SLC38A6: variants seen among roughly 807,000 people sequenced by gnomAD.
SLC38A6 encodes N system amino acid transporter NAT-1.
Under a neutral mutation model 65.0 loss-of-function variants are expected in SLC38A6, and 73 were observed. That is an observed-to-expected ratio of 1.12 (90% confidence interval 0.93 to 1.37). The LOEUF (loss-of-function observed/expected upper bound fraction) is 1.37. Ranked by LOEUF, SLC38A6 falls within the 40% of genes most tolerant of loss-of-function variation. The probability of loss-of-function intolerance (pLI) is 0.00; values close to 1 mark genes in which losing one functional copy is unlikely to be tolerated. For missense variants in SLC38A6, 561 were observed against 531.1 expected (o/e 1.06, Z -0.55); for synonymous variants, 183 against 178.8 (o/e 1.02, Z -0.19).
In SLC38A6 at chr14:60,981,752, A is replaced by G. The variant is rs575407731; in HGVS notation, c.105+370A>G. 5.4e-6 allele frequency: 7 copies of G among 1,287,592 alleles called. No homozygotes were observed. In the South Asian group the frequency reaches 8.7e-5, roughly 16 times the overall value. The allele number at this position is 1,287,592 out of a possible 1,614,324, so 79.8% of individuals were successfully genotyped here. A position where few individuals can be genotyped will look rare whatever the true frequency, so the allele number is the denominator to read the frequency against. On this transcript the variant is annotated intron_variant, in intron 1 of 15. Coordinates refer to ENST00000267488, the MANE Select transcript of SLC38A6 (RefSeq NM_153811.3). ...CTCGTGAGGTCTTTGCAAGAGTCAC[A>G]GGATTTTCCTCTTCCGACTTAGTCA...
intron 3 of SLC38A6, among the ~76,000 whole-genome samples, chr14:60,990,863 T>G (rs1262309526): frequency 6.6e-6 from 1 of 152,118 alleles, no homozygotes; most frequent in East Asian, 1.9e-4. Context: ...TTTTAATTTT[T>G]TGCAGAGATG....
intron 15 of SLC38A6, among the ~76,000 whole-genome samples, chr14:61,070,923 C>T (rs2043206564): frequency 6.6e-6 from 1 of 151,896 alleles, no homozygotes; most frequent in Non-Finnish European, 1.5e-5. Flanking sequence ...TGTTGTAGTT[C>T]CTTCTATATT....
intron 3 of SLC38A6, among the ~76,000 whole-genome samples, chr14:60,988,141 C>T (rs977446013): frequency 5.3e-5 from 8 of 152,178 alleles, no homozygotes; most frequent in African/African-American, 1.4e-4. Flanking sequence ...CGAGAACCTC[C>T]TCTGAGGCTT....
intron 5 of SLC38A6, among the ~76,000 whole-genome samples, chr14:61,022,014 C>A (rs2040367492): frequency 6.6e-6 from 1 of 152,078 alleles, no homozygotes; most frequent in Non-Finnish European, 1.5e-5. Flanking sequence ...GGCTTCAGTT[C>A]CCTCTTTGTT....
chr14:61,081,339 C>A (rs1253093017), intron 16 of SLC38A6, among the ~76,000 whole-genome samples: 1 of 96,092 alleles, frequency 1.0e-5, no homozygotes, highest in Non-Finnish European at 2.7e-5. Context: ...ATTGCTTGAA[C>A]TGTCCTTTTG....
intron 2 of SLC38A6, among the ~76,000 whole-genome samples, chr14:60,983,011 C>G (rs145333077): frequency 6.6e-6 from 1 of 152,116 alleles, no homozygotes; most frequent in African/African-American, 2.4e-5. Context: ...TTTCATTCCT[C>G]GCTGTCTCTT....
intron 15 of SLC38A6, among the ~76,000 whole-genome samples, chr14:61,075,682 A>G (rs1566736527): frequency 6.6e-6 from 1 of 151,952 alleles, no homozygotes; most frequent in Admixed American, 6.6e-5. Context: ...TAGAATTTCT[A>G]ACATTTCCCC....
At chr14:61,069,650 C>A (rs2043158003) in intron 15 of SLC38A6, among the ~76,000 whole-genome samples, 1 of 152,144 alleles carries the variant, frequency 6.6e-6, no homozygotes, top group Admixed American at 6.6e-5. Context: ...CTTTATTCTC[C>A]ACTCTAGTCT....
At chr14:61,068,248 A>G (rs763398667) in intron 15 of SLC38A6, among the ~76,000 whole-genome samples, 8 of 152,226 alleles carry the variant, frequency 5.3e-5, no homozygotes, top group East Asian at 1.9e-4. Flanking sequence ...TTTTCATCCA[A>G]CATCCCAACT....
chr14:61,067,900 T>TA (rs1295495745), intron 15 of SLC38A6, among the ~76,000 whole-genome samples: 6 of 152,170 alleles, frequency 3.9e-5, no homozygotes, highest in Non-Finnish European at 8.8e-5. Context: ...TCATCATACT[T>TA]ACATTTTTTC....
intron 3 of SLC38A6, among the ~76,000 whole-genome samples, chr14:60,993,014 T>G (rs937570754): frequency 6.6e-6 from 1 of 151,994 alleles, no homozygotes; most frequent in East Asian, 1.9e-4. Context: ...ATCCGGCTGA[T>G]TTTTGTATTT....
chr14:60,995,627 G>T (rs2038232259), intron 3 of SLC38A6, among the ~76,000 whole-genome samples: 1 of 152,030 alleles, frequency 6.6e-6, no homozygotes, highest in Non-Finnish European at 1.5e-5. Flanking sequence ...GGAGGAGGAA[G>T]GGCAAGAGGG....
chr14:60,987,260 C>T (rs2037521874), intron 3 of SLC38A6: 1 of 169,360 alleles, frequency 5.9e-6, no homozygotes, highest in South Asian at 1.2e-4. Flanking sequence ...GTTGGACTGT[C>T]ATAAAGGATT....
intron 3 of SLC38A6, among the ~76,000 whole-genome samples, chr14:61,015,680 A>G (rs1413447335): frequency 6.6e-6 from 1 of 152,248 alleles, no homozygotes; most frequent in Non-Finnish European, 1.5e-5. Context: ...GAAAATTACC[A>G]GAGATTTTTA....
intron 5 of SLC38A6, among the ~76,000 whole-genome samples, chr14:61,022,232 T>C (rs773136131): frequency 1.3e-5 from 2 of 152,146 alleles, no homozygotes; most frequent in Non-Finnish European, 2.9e-5. Context: ...TCAATAACTA[T>C]TGCCCTAAAA....
At chr14:61,072,665 A>G (rs1464361797) in intron 15 of SLC38A6, among the ~76,000 whole-genome samples, 3 of 152,226 alleles carry the variant, frequency 2.0e-5, no homozygotes, top group African/African-American at 4.8e-5. Flanking sequence ...TTCACTTAAC[A>G]TAATGGTCTC....
intron 5 of SLC38A6, among the ~76,000 whole-genome samples, chr14:61,025,516 G>C (rs1958271): frequency 0.68 from 103,598 of 151,928 alleles, 35,480 homozygotes; most frequent in African/African-American, 0.7. Flanking sequence ...GAGAGGTACA[G>C]GAAATTTGGA....
At chr14:61,048,360 T>C in intron 12 of SLC38A6, 1 of 324,918 alleles carries the variant, frequency 3.1e-6, no homozygotes, top group East Asian at 7.9e-5. Flanking sequence ...TTTGTAAACT[T>C]AATACCCTGT....
intron 3 of SLC38A6, among the ~76,000 whole-genome samples, chr14:61,000,998 C>G (rs1007431626): frequency 6.6e-6 from 1 of 152,276 alleles, no homozygotes; most frequent in Middle Eastern, 3.4e-3. Context: ...GATCATAGTT[C>G]AGTAAACCCA....
Sources: allele counts gnomAD v4.1 joint callset (sites outside exome capture counted in the v4.1 genomes callset), GRCh38; gene constraint gnomAD v4.1.1; transcripts MANE v1.5; gene names NCBI Gene and HGNC (gene_info 2026-07-23, HGNC 2026-07-21).